The following PDE5A variants were observed in gnomAD, a reference collection of about 807,000 sequenced individuals.
PDE5A encodes cGMP-specific 3',5'-cyclic phosphodiesterase.
A neutral mutation model predicts 110.2 loss-of-function variants in PDE5A; 67 were observed. The ratio of observed to expected loss-of-function variants is 0.61; its 90% CI spans 0.50 to 0.75. The LOEUF (loss-of-function observed/expected upper bound fraction) is 0.75, where lower values mean the gene tolerates loss of function less well. PDE5A is among the 30% of genes least tolerant of loss of function. The pLI, the probability that PDE5A is intolerant of heterozygous loss-of-function variation, is 0.00. For missense variants in PDE5A, 862 were observed against 1,045.1 expected, an observed-to-expected ratio of 0.82 and a Z score of 2.42; for synonymous variants, 328 against 351.2, an observed-to-expected ratio of 0.93 and a Z score of 0.74.
chr4:119,628,686 G>A lies in PDE5A; in HGVS notation c.-15C>T, dbSNP rs774818271. On this transcript the variant is annotated 5_prime_UTR_variant, in exon 1 of 21. Coordinates refer to ENST00000354960, the MANE Select transcript of PDE5A (RefSeq NM_001083.4). ...GCCCGCTCCATGGTTGGCACCGCGC[G>A]CCTCGGAGGCTCTCTGGTACTGCTT... 2.5e-6 allele frequency: 4 copies of A among 1,609,846 alleles called. No individual in the cohort carries two copies. Among genetic ancestry groups the A allele is most frequent in the Admixed American group, 3.3e-5 (2 of 59,950 alleles).
At chr4:119,599,598 G>A (rs1414230787) in intron 2 of PDE5A, among the ~76,000 whole-genome samples, 1 of 151,674 alleles carries the variant, frequency 6.6e-6, no homozygotes, top group Non-Finnish European at 1.5e-5. Flanking sequence ...TGAAGAGTCA[G>A]TGACTCTGAA....
At chr4:119,579,500 T>A (rs895260923) in intron 3 of PDE5A, among the ~76,000 whole-genome samples, 1 of 151,900 alleles carries the variant, frequency 6.6e-6, no homozygotes, top group Non-Finnish European at 1.5e-5. Flanking sequence ...CATGGAATAC[T>A]ATGCAGCCAT....
chr4:119,501,251 A>G lies in PDE5A; in HGVS notation c.2409T>C (p.Asp803=), dbSNP rs200615863. 70 of 1,584,434 alleles carry G rather than the reference A, an allele frequency of 4.4e-5. No homozygotes were observed. The highest frequency in any genetic ancestry group is 3.3e-4 in the Middle Eastern group (2 of 6,024). The change falls in exon 20 of 21, where the codon GAT becomes GAC. Residue 803 remains aspartate, a splice_region_variant and synonymous_variant. Coordinates refer to ENST00000354960, the MANE Select transcript of PDE5A (RefSeq NM_001083.4). ...TGTTTTTCTTCTCCCTGTTCATTAG[A>G]TCCTGAAAATACAAATACAGACCAG... ...ERKELNIEPT[D]LMNREKKNKI...
chr4:119,560,525 T>C (rs1272113314), intron 6 of PDE5A, among the ~76,000 whole-genome samples, 162 bp from the exon 7 acceptor site: 1 of 152,242 alleles, frequency 6.6e-6, no homozygotes, highest in Non-Finnish European at 1.5e-5. Context: ...TTTTATGACA[T>C]CCTCAAAACT....
chr4:119,627,500 C>G lies in PDE5A; in HGVS notation c.152+1020G>C, dbSNP rs1044839660. On this transcript the variant is annotated intron_variant, in intron 1 of 20. Transcript: ENST00000354960. The surrounding 1 kb of genome is among the most constrained non-coding windows in gnomAD (Gnocchi z 4.6). ...CGGCCAGCACCCGCTGCCCGACGGC[C>G]GCTGCCCAGAGCAGGCGGCAGCGGG... The G allele has an allele frequency of 6.2e-6, 1 of 162,340 alleles. No homozygotes were observed. Among genetic ancestry groups the G allele is most frequent in the Admixed American group, 6.5e-5 (1 of 15,302 alleles). 10.1% of individuals were successfully genotyped at this position (162,340 alleles called of 1,614,324 possible).
At chr4:119,515,431 C>G (rs1663226217) in intron 14 of PDE5A, among the ~76,000 whole-genome samples, 1 of 152,098 alleles carries the variant, frequency 6.6e-6, no homozygotes, top group South Asian at 2.1e-4. Flanking sequence ...CTGTGGCTAC[C>G]AGGAGATTTT....
chr4:119,579,550 A>G (rs4001176), intron 3 of PDE5A, among the ~76,000 whole-genome samples: 41,900 of 151,062 alleles, frequency 0.28, 5,853 homozygotes, highest in East Asian at 0.38. Context: ...GGACATGGAT[A>G]AAGCTGGAAA....
intron 15 of PDE5A, among the ~76,000 whole-genome samples, chr4:119,508,208 G>A (rs1725620755): frequency 6.6e-6 from 1 of 151,958 alleles, no homozygotes; most frequent in African/African-American, 2.4e-5. Context: ...ATATAGATGG[G>A]TAAAGGGCAT....
At chr4:119,626,153 A>AT (rs1560649424) in intron 1 of PDE5A, among the ~76,000 whole-genome samples, 1 of 152,084 alleles carries the variant, frequency 6.6e-6, no homozygotes, top group Non-Finnish European at 1.5e-5. Context: ...CTAACCGAAA[A>AT]TTTTTTAAAA....
chr4:119,609,875 G>A (rs1389109477), intron 1 of PDE5A, among the ~76,000 whole-genome samples: 1 of 152,020 alleles, frequency 6.6e-6, no homozygotes, highest in Non-Finnish European at 1.5e-5. Context: ...GCATCATGCT[G>A]TACACCTTAA....
chr4:119,552,951 A>C (rs1160984172), intron 8 of PDE5A, among the ~76,000 whole-genome samples: 1 of 152,136 alleles, frequency 6.6e-6, no homozygotes, highest in African/African-American at 2.4e-5. Flanking sequence ...CTAGTGTAGT[A>C]AATGCCCCAA....
intron 9 of PDE5A, chr4:119,542,974 G>A (rs534259691): frequency 8.6e-4 from 168 of 195,978 alleles, no homozygotes; most frequent in African/African-American, 3.8e-3. Context: ...CCAAGAGAAC[G>A]ATTTTGATGC....
Position 119,627,165 on chromosome 4 carries a change from A to G in PDE5A, c.152+1355T>C, listed in dbSNP as rs1730378713. The G allele has an allele frequency of 6.2e-7, 1 of 1,612,354 alleles. No individual in the cohort carries two copies. The highest frequency in any genetic ancestry group is 2.2e-5 in the East Asian group (1 of 44,754). On this transcript the variant is annotated intron_variant, in intron 1 of 20. Transcript: ENST00000354960. The surrounding 1 kb of genome is among the most constrained non-coding windows in gnomAD (Gnocchi z 4.6). The stretch of plus-strand genomic sequence containing the variant: ...AAGGAAGTACCTTGTTTTGTCTCCA[A>G]AGGGCAACATAGCAAACGTGGGAAG...
chr4:119,577,620 T>C (rs1306921568), intron 3 of PDE5A, among the ~76,000 whole-genome samples: 2 of 152,180 alleles, frequency 1.3e-5, no homozygotes, highest in African/African-American at 4.8e-5. Flanking sequence ...GAAAACGCCT[T>C]TGACAAATTT....
In PDE5A at chr4:119,542,455, C is replaced by T. The variant is rs192975018; in HGVS notation, c.1572+4G>A. ...AGTGTGAGAGGTCCCTAAACTTCAC[C>T]CACCTCCAATGTGACCATTTGCTTG... is the stretch of plus-strand genomic sequence containing the variant. On this transcript the variant is annotated splice_donor_region_variant and intron_variant, in intron 10 of 20. Transcript: ENST00000354960. 3.3e-4 allele frequency: 537 copies of T among 1,612,738 alleles called. 2 individuals carry two copies. Among genetic ancestry groups the T allele is most frequent in the Middle Eastern group, 1.5e-3 (9 of 6,044 alleles).
chr4:119,601,458 C>T (rs548727790), intron 2 of PDE5A, among the ~76,000 whole-genome samples: 2 of 152,144 alleles, frequency 1.3e-5, no homozygotes, highest in East Asian at 1.9e-4. Context: ...CCCCCGCCAC[C>T]TCCCATACCT....
At chr4:119,502,522 G>C (rs1725385682) in intron 19 of PDE5A, 59 bp downstream of exon 19, 1 of 976,764 alleles carries the variant, frequency 1.0e-6, no homozygotes, top group South Asian at 1.4e-5. Flanking sequence ...ATAAAAAGGA[G>C]TCTACAATTA....
chr4:119,514,581 C>T lies in PDE5A; in HGVS notation c.2001-3447G>A, dbSNP rs141493565. 3.3e-5 allele frequency among the ~76,000 whole-genome samples: 5 copies of T among 151,938 alleles called. No homozygotes were observed. In the East Asian group the frequency reaches 9.7e-4, roughly 30 times the overall value. ...CCTTTTGACCTCAGAATTCTCTGAC[C>T]TCCTTGACACTACTGATTATCTCTT... is the stretch of plus-strand genomic sequence containing the variant. On this transcript the variant is annotated intron_variant, in intron 14 of 20. Transcript: ENST00000354960.
At chr4:119,529,454 A>G (rs1436091785) in intron 11 of PDE5A, among the ~76,000 whole-genome samples, 1 of 152,156 alleles carries the variant, frequency 6.6e-6, no homozygotes, top group Non-Finnish European at 1.5e-5. Flanking sequence ...GATTCCAGAT[A>G]GATTTGGTTT....
Sources: gnomAD v4.1 joint callset for allele counts (sites outside exome capture counted in the v4.1 genomes callset) on GRCh38, gnomAD v4.1.1 for gene constraint, Gnocchi (gnomAD v3.1) non-coding constraint, MANE v1.5 for transcripts, NCBI Gene and HGNC (gene_info 2026-07-23, HGNC 2026-07-21) for gene names.